TLL1: variants seen among roughly 807,000 people sequenced by gnomAD.
TLL1 encodes the protein tolloid like 1.
TLL1 carries 49 observed loss-of-function variants against 128.2 expected under a neutral mutation model. That is an observed-to-expected ratio of 0.38 (90% confidence interval 0.30 to 0.48). The LOEUF (loss-of-function observed/expected upper bound fraction) is 0.48, where lower values mean the gene tolerates loss of function less well. TLL1 is among the 20% of genes least tolerant of loss of function. The pLI, the probability that TLL1 is intolerant of heterozygous loss-of-function variation, is 0.96. For missense variants in TLL1, 1,123 were observed against 1,242.0 expected (o/e 0.90, Z 1.44); for synonymous variants, 454 against 418.8 (o/e 1.08, Z -1.03).
chr4:166,045,755 C>T (rs963547171), intron 12 of TLL1, among the ~76,000 whole-genome samples: 2 of 152,112 alleles, frequency 1.3e-5, no homozygotes, highest in Non-Finnish European at 2.9e-5. Flanking sequence ...TTCTCTTTCT[C>T]AGAAACACCA....
chr4:166,066,094 A>G (rs560674552), intron 16 of TLL1, among the ~76,000 whole-genome samples: 1 of 152,026 alleles, frequency 6.6e-6, no homozygotes, highest in South Asian at 2.1e-4. Context: ...ATTTTTCAAA[A>G]TAATTTTGCT....
chr4:165,999,455 A>C (rs900788387), intron 5 of TLL1, among the ~76,000 whole-genome samples: 1 of 152,146 alleles, frequency 6.6e-6, no homozygotes, highest in Non-Finnish European at 1.5e-5. Context: ...TGTCACTTTT[A>C]GACCATCAGA....
intron 1 of TLL1, among the ~76,000 whole-genome samples, chr4:165,958,661 T>G (rs1441286363): frequency 7.1e-6 from 1 of 140,594 alleles, no homozygotes; most frequent in Non-Finnish European, 1.5e-5. Flanking sequence ...TTTTGTAGGT[T>G]GCCTGTTCAC....
intron 1 of TLL1, among the ~76,000 whole-genome samples, chr4:165,929,690 G>A (rs943897492): frequency 6.6e-6 from 1 of 152,178 alleles, no homozygotes; most frequent in Non-Finnish European, 1.5e-5. Context: ...ATATCACTGT[G>A]ACTTAAAGAA....
intron 1 of TLL1, among the ~76,000 whole-genome samples, chr4:165,881,040 C>T (rs1402957121): frequency 6.6e-6 from 1 of 152,158 alleles, no homozygotes; most frequent in East Asian, 1.9e-4. Flanking sequence ...GTTCCTCTGC[C>T]CTATTCTTTT....
intron 1 of TLL1, among the ~76,000 whole-genome samples, chr4:165,874,444 C>T (rs950076671): frequency 6.6e-6 from 1 of 152,140 alleles, no homozygotes; most frequent in African/African-American, 2.4e-5. Context: ...GAAGGGACAC[C>T]GTCTTCTTTC....
chr4:166,054,986 C>T, intron 12 of TLL1, 90 bp from the exon 13 acceptor site: 2 of 1,056,378 alleles, frequency 1.9e-6, no homozygotes, highest in Non-Finnish European at 1.4e-6. Flanking sequence ...ATTAACAAAT[C>T]AGAAGTATGG....
rs937204877 is a variant in TLL1, at chr4:166,057,063, C to T, written c.1721-121C>T. ...CTCTCACCAGGTCCCTCTCATGACA[C>T]GTGAGAATTTTGGGAGATATCATTC... On this transcript the variant is annotated intron_variant, in intron 13 of 20. Coordinates refer to ENST00000061240, the MANE Select transcript of TLL1 (RefSeq NM_012464.5). 5.2e-5 allele frequency: 58 copies of T among 1,116,376 alleles called. No individual in the cohort carries two copies. The East Asian group carries it at 1.1e-3, about 21-fold the overall frequency. 69.2% of individuals were successfully genotyped at this position (1,116,376 alleles called of 1,614,324 possible).
At chr4:165,912,974 A>T (rs747495038) in intron 1 of TLL1, among the ~76,000 whole-genome samples, 1 of 152,028 alleles carries the variant, frequency 6.6e-6, no homozygotes, top group Non-Finnish European at 1.5e-5. Context: ...TTAATTATGC[A>T]TTGGAGTTCA....
chr4:165,893,088 A>G (rs557459286), intron 1 of TLL1, among the ~76,000 whole-genome samples: 2 of 152,284 alleles, frequency 1.3e-5, no homozygotes, highest in Admixed American at 6.5e-5. Flanking sequence ...TTTAAACTCT[A>G]TCTTTAGTAA....
intron 1 of TLL1, among the ~76,000 whole-genome samples, chr4:165,959,271 G>T (rs1375201709): frequency 6.6e-6 from 1 of 152,046 alleles, no homozygotes; most frequent in Non-Finnish European, 1.5e-5. Context: ...AGCTTGATGG[G>T]GATGGCATTG....
intron 1 of TLL1, among the ~76,000 whole-genome samples, chr4:165,944,290 G>A (rs72972235): frequency 0.036 from 5,499 of 152,138 alleles, 296 homozygotes; most frequent in African/African-American, 0.12. Context: ...CAGTCTATGC[G>A]TCTAACAAAG....
intron 1 of TLL1, among the ~76,000 whole-genome samples, chr4:165,966,177 CAAAAAAA>C (rs35017995): frequency 8.6e-6 from 1 of 116,224 alleles, no homozygotes; most frequent in Non-Finnish European, 1.8e-5. Context: ...GACTCCATCT[CAAAAAAA>C]AAAAAAAAAA....
At chr4:165,965,432 C>T (rs972916198) in intron 1 of TLL1, among the ~76,000 whole-genome samples, 5 of 152,094 alleles carry the variant, frequency 3.3e-5, no homozygotes, top group Non-Finnish European at 2.9e-5. Context: ...GTCACAAAAC[C>T]CTGTGTTAAA....
intron 8 of TLL1, among the ~76,000 whole-genome samples, chr4:166,025,054 G>C (rs1394875297): frequency 6.6e-6 from 1 of 152,070 alleles, no homozygotes; most frequent in African/African-American, 2.4e-5. Flanking sequence ...AATGAAAAAG[G>C]TTTCCATGAG....
intron 12 of TLL1, among the ~76,000 whole-genome samples, chr4:166,051,424 TACTG>T (rs1369082249): frequency 6.6e-6 from 1 of 152,044 alleles, no homozygotes; most frequent in Non-Finnish European, 1.5e-5. Context: ...AGCTTAAACT[TACTG>T]GCATGACATC....
At chr4:165,913,272 G>A (rs2110875579) in intron 1 of TLL1, among the ~76,000 whole-genome samples, 1 of 152,238 alleles carries the variant, frequency 6.6e-6, no homozygotes, top group Non-Finnish European at 1.5e-5. Context: ...ATCTCAATAG[G>A]TTCTGGAAAC....
At chr4:165,908,723 G>C (rs1414455604) in intron 1 of TLL1, among the ~76,000 whole-genome samples, 1 of 152,116 alleles carries the variant, frequency 6.6e-6, no homozygotes, top group Non-Finnish European at 1.5e-5. Flanking sequence ...GAAAATACCT[G>C]TGATGGGAAG....
intron 1 of TLL1, among the ~76,000 whole-genome samples, chr4:165,902,573 G>A (rs1039598613): frequency 1.3e-5 from 2 of 152,060 alleles, no homozygotes; most frequent in Non-Finnish European, 2.9e-5. Flanking sequence ...GTGAGGCGAC[G>A]CCCCACCCTG....
Sources: allele counts gnomAD v4.1 joint callset (sites outside exome capture counted in the v4.1 genomes callset), GRCh38; gene constraint gnomAD v4.1.1; transcripts MANE v1.5; gene names NCBI Gene and HGNC (gene_info 2026-07-23, HGNC 2026-07-21).